CSMD1: variants seen among roughly 807,000 people sequenced by gnomAD.
The protein encoded by CSMD1 is CUB and Sushi multiple domains 1.
A neutral mutation model predicts 417.5 loss-of-function variants in CSMD1; 213 were observed. The ratio of observed to expected loss-of-function variants is 0.51; its 90% CI spans 0.46 to 0.57. The LOEUF (loss-of-function observed/expected upper bound fraction) is 0.57. Ranked by LOEUF, CSMD1 falls within the 20% of genes least tolerant of loss-of-function variation. The pLI, the probability that CSMD1 is intolerant of heterozygous loss-of-function variation, is 0.00. For synonymous variants in CSMD1, 2,862 were observed against 1,736.8 expected, an observed-to-expected ratio of 1.65 and a Z score of -16.11; for missense variants, 6,923 against 4,529.7, an observed-to-expected ratio of 1.53 and a Z score of -15.17.
intron 3 of CSMD1, among the ~76,000 whole-genome samples, chr8:4,341,555 G>C (rs75633168): frequency 4.6e-5 from 7 of 152,100 alleles, no homozygotes; most frequent in Non-Finnish European, 7.4e-5. Flanking sequence ...TTTTCCTACA[G>C]TGTGATTTTG....
rs112639962 is a variant in CSMD1 at position 4,206,517 on chromosome 8, A to T, written c.416-174418T>A. Among the ~76,000 whole-genome samples, 186 of 152,294 alleles carry T rather than the reference A, an allele frequency of 1.2e-3. No individual in the cohort carries two copies. In the Middle Eastern group the frequency reaches 0.02, roughly 17 times the overall value. ...ATGTCCCTACAAAGGACATGAACTC[A>T]TCCTTTTTTATGGCTGCCTAGTATT... On this transcript the variant is annotated intron_variant, in intron 3 of 69. Transcript: ENST00000635120.
intron 1 of CSMD1, among the ~76,000 whole-genome samples, chr8:4,909,442 G>T (rs1207718326): frequency 6.6e-6 from 1 of 152,144 alleles, no homozygotes. Context: ...GGCTAAAGGG[G>T]TCTGTCTGAC....
chr8:3,638,492 T>C (rs575423325), intron 7 of CSMD1, among the ~76,000 whole-genome samples: 1 of 151,862 alleles, frequency 6.6e-6, no homozygotes, highest in African/African-American at 2.4e-5. Context: ...GACGTGATGA[T>C]AATGATGACA....
At chr8:3,086,306 T>G (rs1814526773) in intron 49 of CSMD1, among the ~76,000 whole-genome samples, 1 of 152,106 alleles carries the variant, frequency 6.6e-6, no homozygotes, top group Non-Finnish European at 1.5e-5. Flanking sequence ...AATAATACAG[T>G]AGAGGTAAAA....
In CSMD1 at chr8:4,176,060, T is replaced by C. The variant is rs576621425; in HGVS notation, c.416-143961A>G. Reference sequence around the variant, plus strand: ...CCCAAGAAGCAGGAGCAGAAAAGTGTGACTTAGATGTGGAACCCTTGCAGA... The same window carrying C: ...CCCAAGAAGCAGGAGCAGAAAAGTGCGACTTAGATGTGGAACCCTTGCAGA... On this transcript the variant is annotated intron_variant, in intron 3 of 69. Transcript: ENST00000635120. Among the ~76,000 whole-genome samples the C allele has an allele frequency of 2.6e-4, 39 of 152,134 alleles. 1 individual carries two copies. The highest frequency in any genetic ancestry group is 9.2e-4 in the African/African-American group (38 of 41,486).
At chr8:4,990,180 T>C (rs1315792519) in intron 1 of CSMD1, among the ~76,000 whole-genome samples, 3 of 152,196 alleles carry the variant, frequency 2.0e-5, no homozygotes, top group Admixed American at 1.3e-4. Flanking sequence ...ACAAAACCTG[T>C]CACTTCCGAA....
At chr8:3,640,169 G>T (rs1042561648) in intron 7 of CSMD1, among the ~76,000 whole-genome samples, 1 of 152,134 alleles carries the variant, frequency 6.6e-6, no homozygotes, top group Non-Finnish European at 1.5e-5. Flanking sequence ...AAAACTTAAT[G>T]CTTGAAGCTG....
chr8:4,230,985 C>G (rs772453231), intron 3 of CSMD1, among the ~76,000 whole-genome samples: 3 of 152,218 alleles, frequency 2.0e-5, no homozygotes, highest in South Asian at 2.1e-4. Flanking sequence ...AACATCAGTA[C>G]TAGTATTTTG....
At chr8:4,379,337 T>C (rs890593931) in intron 3 of CSMD1, among the ~76,000 whole-genome samples, 1 of 152,130 alleles carries the variant, frequency 6.6e-6, no homozygotes, top group Non-Finnish European at 1.5e-5. Flanking sequence ...TGTCACAAAT[T>C]GGAGGAGATT....
At chr8:4,381,364 G>C (rs1563114377) in intron 3 of CSMD1, among the ~76,000 whole-genome samples, 1 of 152,102 alleles carries the variant, frequency 6.6e-6, no homozygotes, top group Non-Finnish European at 1.5e-5. Flanking sequence ...GTGACCCTAT[G>C]ACCCTGTGGC....
At position 2,978,726 on chromosome 8, in the gene CSMD1, C is replaced by G. The variant is rs922833777; in HGVS notation, c.8452G>C (p.Glu2818Gln). ...HGQQNFPESF[E>Q]YGMSILYHCK... ...TGGTACAGGATACTCATTCCATACT[C>G]AAAACTCTCAGGGAAGTTCTGTTGC... is the stretch of plus-strand genomic sequence containing the variant. The change falls in exon 55 of 70, where the codon GAG (glutamate) becomes CAG (glutamine). Residue 2818 changes from glutamate to glutamine, a missense_variant. Physicochemically the swap from Glu to Gln is conservative, Grantham distance 29 (BLOSUM62 2). Transcript: ENST00000635120. 1 of 1,613,310 alleles carries G rather than the reference C, an allele frequency of 6.2e-7. No homozygotes were observed. The highest frequency in any genetic ancestry group is 8.5e-7 in the Non-Finnish European group (1 of 1,179,628).
At chr8:4,549,852 T>C (rs1482627404) in intron 2 of CSMD1, among the ~76,000 whole-genome samples, 1 of 142,986 alleles carries the variant, frequency 7.0e-6, no homozygotes, top group East Asian at 2.1e-4. Context: ...AGCCAAGATC[T>C]TGCCACTGCA....
intron 3 of CSMD1, among the ~76,000 whole-genome samples, chr8:4,165,537 G>A (rs552841654): frequency 6.6e-6 from 1 of 152,124 alleles, no homozygotes; most frequent in African/African-American, 2.4e-5. Context: ...CCAAGTAGGT[G>A]GGACCTCCGG....
Position 4,350,301 on chromosome 8 carries a change from A to G in CSMD1, c.415+69652T>C, listed in dbSNP as rs115049974. Among the ~76,000 whole-genome samples, 1,437 of 152,270 alleles carry G rather than the reference A, an allele frequency of 9.4e-3. 15 individuals carry two copies. Among genetic ancestry groups the G allele is most frequent in the African/African-American group, 0.033 (1,368 of 41,560 alleles). On this transcript the variant is annotated intron_variant, in intron 3 of 69. Coordinates refer to ENST00000635120, the MANE Select transcript of CSMD1 (RefSeq NM_033225.6). ...CCAACTGCAGGTGACTGTGCTGTCT[A>G]CTTGAGGTCTAACAGGCTGACACAC... is the stretch of plus-strand genomic sequence containing the variant.
At chr8:3,179,765 A>T (rs1237296500) in intron 37 of CSMD1, among the ~76,000 whole-genome samples, 1 of 152,246 alleles carries the variant, frequency 6.6e-6, no homozygotes, top group Non-Finnish European at 1.5e-5. Flanking sequence ...ACAGAGAGTC[A>T]CAAAGTATAT....
intron 1 of CSMD1, among the ~76,000 whole-genome samples, chr8:4,713,636 A>G (rs1808455940): frequency 6.6e-6 from 1 of 152,078 alleles, no homozygotes; most frequent in Non-Finnish European, 1.5e-5. Flanking sequence ...ATAACAATAT[A>G]AAAAAGTGGA....
At chr8:4,822,452 G>A (rs1232037507) in intron 1 of CSMD1, among the ~76,000 whole-genome samples, 2 of 152,004 alleles carry the variant, frequency 1.3e-5, no homozygotes, top group African/African-American at 2.4e-5. Flanking sequence ...TCCAAAAAAT[G>A]TAAACTGTCA....
chr8:4,283,337 G>T (rs34021850), intron 3 of CSMD1, among the ~76,000 whole-genome samples: 2 of 152,204 alleles, frequency 1.3e-5, no homozygotes, highest in Non-Finnish European at 2.9e-5. Flanking sequence ...CTTCACTGCT[G>T]CCCTGTATAA....
intron 3 of CSMD1, among the ~76,000 whole-genome samples, chr8:4,147,138 C>A (rs1804186023): frequency 6.6e-6 from 1 of 151,948 alleles, no homozygotes; most frequent in South Asian, 2.1e-4. Flanking sequence ...CTCAGTTACC[C>A]TCACATGATT....
Sources: gnomAD v4.1 joint callset for allele counts (sites outside exome capture counted in the v4.1 genomes callset) on GRCh38, gnomAD v4.1.1 for gene constraint, MANE v1.5 for transcripts, NCBI Gene and HGNC (gene_info 2026-07-23, HGNC 2026-07-21) for gene names.